Variants in GRID2 observed in about 807,000 individuals in gnomAD.
GRID2 encodes glutamate receptor ionotropic, delta-2.
GRID2 carries 33 observed loss-of-function variants against 114.8 expected under a neutral mutation model. The ratio of observed to expected loss-of-function variants is 0.29; its 90% confidence interval spans 0.22 to 0.38. GRID2 has a LOEUF of 0.38. Ranked by LOEUF, GRID2 falls within the 10% of genes least tolerant of loss-of-function variation. The probability of loss-of-function intolerance (pLI) is 1.00; values close to 1 mark genes in which losing one functional copy is unlikely to be tolerated. For synonymous variants in GRID2, 505 were observed against 449.9 expected (o/e 1.12, Z -1.55); for missense variants, 1,184 against 1,257.7 (o/e 0.94, Z 0.89).
At chr4:92,924,816 A>G (rs1347651170) in intron 2 of GRID2, among the ~76,000 whole-genome samples, 5 of 152,074 alleles carry the variant, frequency 3.3e-5, no homozygotes, top group Admixed American at 6.6e-5. Context: ...TAATTATTGC[A>G]CATTTTTGCC....
chr4:93,392,409 C>T (rs1213033796), intron 8 of GRID2, among the ~76,000 whole-genome samples: 1 of 152,092 alleles, frequency 6.6e-6, no homozygotes, highest in Non-Finnish European at 1.5e-5. Context: ...AACACTATGC[C>T]TGTCATTCTT....
At position 92,791,737 on chromosome 4, in the gene GRID2, T is replaced by G. The variant is rs150728878; in HGVS notation, c.244+201451T>G. Among the ~76,000 whole-genome samples, 472 of 151,980 alleles carry G rather than the reference T, an allele frequency of 3.1e-3. 1 individual carries two copies. Among genetic ancestry groups the G allele is most frequent in the Non-Finnish European group, 5.0e-3 (342 of 67,916 alleles). Reference sequence around the variant, plus strand: ...GTGTGAGGAGTTTCCAGGTGAGATATGCAATCAATACCCTGAGACAGCAGT... The same window carrying G: ...GTGTGAGGAGTTTCCAGGTGAGATAGGCAATCAATACCCTGAGACAGCAGT... On this transcript the variant is annotated intron_variant, in intron 2 of 15. Coordinates refer to ENST00000282020, the MANE Select transcript of GRID2 (RefSeq NM_001510.4).
chr4:93,722,731 A>G (rs1348386136), intron 14 of GRID2, among the ~76,000 whole-genome samples: 1 of 152,158 alleles, frequency 6.6e-6, no homozygotes, highest in Non-Finnish European at 1.5e-5. Flanking sequence ...CCACTGTTAT[A>G]ACCTAAGGTA....
chr4:92,349,598 C>T (rs189944644), intron 1 of GRID2, among the ~76,000 whole-genome samples: 84 of 151,112 alleles, frequency 5.6e-4, no homozygotes, highest in African/African-American at 1.9e-3. Context: ...TTATAATAAG[C>T]AACTCAAATA....
At chr4:93,663,331 G>A (rs1022454629) in intron 14 of GRID2, among the ~76,000 whole-genome samples, 1 of 152,120 alleles carries the variant, frequency 6.6e-6, no homozygotes, top group African/African-American at 2.4e-5. Flanking sequence ...GTCCTCTTAA[G>A]ATTTCTCATC....
At chr4:93,022,266 G>T (rs1486445302) in intron 2 of GRID2, among the ~76,000 whole-genome samples, 2 of 151,702 alleles carry the variant, frequency 1.3e-5, no homozygotes, top group Non-Finnish European at 2.9e-5. Context: ...ATATTTATAT[G>T]TGGGCATATA....
chr4:93,455,540 T>A, intron 10 of GRID2, 122 bp from the exon 11 acceptor site: 1 of 638,206 alleles, frequency 1.6e-6, no homozygotes, highest in East Asian at 2.7e-5. Flanking sequence ...TGTTTCAGTT[T>A]ATATAAAAAG....
At chr4:92,884,207 TG>T (rs899774141) in intron 2 of GRID2, among the ~76,000 whole-genome samples, 6 of 152,344 alleles carry the variant, frequency 3.9e-5, no homozygotes, top group Non-Finnish European at 8.8e-5. Context: ...AAACCATTTT[TG>T]TTATCTTCTG....
chr4:93,574,483 G>C (rs547336339), intron 13 of GRID2, among the ~76,000 whole-genome samples: 47 of 152,302 alleles, frequency 3.1e-4, no homozygotes, highest in African/African-American at 8.2e-4. Context: ...AGTTCCATGT[G>C]GCTGCAGAAG....
intron 1 of GRID2, among the ~76,000 whole-genome samples, chr4:93,785,380 G>C (rs926849128): frequency 2.6e-5 from 4 of 152,152 alleles, no homozygotes; most frequent in African/African-American, 7.2e-5. Context: ...GCTAGGAAAA[G>C]CTCCCTAGAG....
chr4:93,739,228 C>CTGTATGTTTG (rs1304644376), intron 14 of GRID2, among the ~76,000 whole-genome samples: 5 of 152,040 alleles, frequency 3.3e-5, no homozygotes, highest in African/African-American at 1.2e-4. Flanking sequence ...TATTGTCACT[C>CTGTATGTTTG]TGTATGTTTG....
intron 2 of GRID2, among the ~76,000 whole-genome samples, chr4:92,904,297 C>A (rs1255552117): frequency 2.7e-5 from 4 of 149,368 alleles, no homozygotes; most frequent in Non-Finnish European, 1.5e-5. Flanking sequence ...CATACATACC[C>A]AAATATGAAG....
chr4:93,109,812 T>G (rs1732597033), intron 3 of GRID2, among the ~76,000 whole-genome samples: 1 of 152,292 alleles, frequency 6.6e-6, no homozygotes, highest in African/African-American at 2.4e-5. Context: ...TTCAGATATC[T>G]TCTTCTATAA....
chr4:92,773,607 T>G (rs1578173081), intron 2 of GRID2, among the ~76,000 whole-genome samples: 1 of 152,010 alleles, frequency 6.6e-6, no homozygotes, highest in Admixed American at 6.6e-5. Context: ...TTAAAATGTA[T>G]AATGTTATCA....
At chr4:93,616,742 T>A (rs1741699959) in intron 13 of GRID2, among the ~76,000 whole-genome samples, 1 of 151,492 alleles carries the variant, frequency 6.6e-6, no homozygotes, top group Admixed American at 6.6e-5. Flanking sequence ...TTGCTTTATG[T>A]TTTCTGCAGT....
At chr4:93,613,993 G>C (rs1741292142) in intron 13 of GRID2, among the ~76,000 whole-genome samples, 2 of 152,092 alleles carry the variant, frequency 1.3e-5, no homozygotes, top group Non-Finnish European at 2.9e-5. Flanking sequence ...CTCTGAGCCA[G>C]GTGTGGGATA....
chr4:93,411,269 G>A (rs192323178), intron 9 of GRID2, among the ~76,000 whole-genome samples: 3 of 151,892 alleles, frequency 2.0e-5, no homozygotes, highest in Admixed American at 6.6e-5. Flanking sequence ...TACACAAAAA[G>A]TTTTTAAAGT....
intron 9 of GRID2, among the ~76,000 whole-genome samples, chr4:93,408,156 T>C (rs1351145100): frequency 6.6e-6 from 1 of 152,106 alleles, no homozygotes; most frequent in African/African-American, 2.4e-5. Flanking sequence ...CTTTCACTGT[T>C]TTAAAAGTGA....
chr4:93,490,611 CT>C, intron 11 of GRID2, 27 bp from the exon 12 acceptor site: 2 of 1,567,876 alleles, frequency 1.3e-6, no homozygotes, highest in Non-Finnish European at 1.7e-6. Flanking sequence ...AGTTGATGTT[CT>C]TTTTATCTCT....
Sources: allele counts gnomAD v4.1 joint callset (sites outside exome capture counted in the v4.1 genomes callset), GRCh38; gene constraint gnomAD v4.1.1; transcripts MANE v1.5; gene names NCBI Gene and HGNC (gene_info 2026-07-23, HGNC 2026-07-21).